CENPN: variants seen among roughly 807,000 people sequenced by gnomAD.
CENPN encodes the protein centromere protein N.
Under a neutral mutation model 48.6 loss-of-function variants are expected in CENPN, and 36 were observed. The ratio of observed to expected loss-of-function variants is 0.74; its 90% CI spans 0.57 to 0.98. CENPN has a LOEUF of 0.98. CENPN is among the 50% of genes least tolerant of loss of function. The pLI is 0.00. For synonymous variants in CENPN, 166 were observed against 135.2 expected (o/e 1.23, Z -1.58); for missense variants, 439 against 399.2 (o/e 1.10, Z -0.85).
chr16:81,022,285 T>A, intron 6 of CENPN: 1 of 297,552 alleles, frequency 3.4e-6, no homozygotes, highest in Non-Finnish European at 6.4e-6. Flanking sequence ...TGACTGATAT[T>A]CAAAAACAGT....
chr16:81,025,383 TAA>T (rs1381571236), intron 8 of CENPN, among the ~76,000 whole-genome samples: 1 of 152,090 alleles, frequency 6.6e-6, no homozygotes, highest in Non-Finnish European at 1.5e-5. Context: ...TAAAAATTCA[TAA>T]AAAAATGAAA....
chr16:81,016,286 C>T (rs929363944), intron 3 of CENPN, among the ~76,000 whole-genome samples: 3 of 152,136 alleles, frequency 2.0e-5, no homozygotes, highest in Admixed American at 6.5e-5. Flanking sequence ...CTTGAGCCCG[C>T]GAGTTCAAGT....
chr16:81,029,200 T>A lies in CENPN; in HGVS notation c.*549T>A. On this transcript the variant is annotated 3_prime_UTR_variant, in exon 11 of 11. Transcript: ENST00000305850. ...TTGCATATTTGGTGAGTCAGTTATATAAAATAGTGTTCTTATTGTAAATAT... is the reference window on the plus strand; with the variant it reads ...TTGCATATTTGGTGAGTCAGTTATAAAAAATAGTGTTCTTATTGTAAATAT... 1 of 952,022 alleles carries A rather than the reference T, an allele frequency of 1.1e-6. No homozygotes were observed. Among genetic ancestry groups the A allele is most frequent in the Non-Finnish European group, 1.3e-6 (1 of 799,522 alleles). The allele number at this position is 952,022 out of a possible 1,614,324, so 59.0% of individuals were successfully genotyped here. A position where few individuals can be genotyped will look rare whatever the true frequency, so the allele number is the denominator to read the frequency against.
chr16:81,007,861 CTT>C (rs1016666558), intron 1 of CENPN, among the ~76,000 whole-genome samples: 8 of 152,300 alleles, frequency 5.3e-5, no homozygotes, highest in Non-Finnish European at 1.2e-4. Flanking sequence ...AATCCCAACA[CTT>C]TGGGAGACCG....
At chr16:81,028,323 C>A (rs756380671) in intron 10 of CENPN, 26 bp downstream of exon 10, 118 of 1,610,096 alleles carry the variant, frequency 7.3e-5, no homozygotes, top group Non-Finnish European at 9.5e-5. Context: ...ACTCTATAAG[C>A]TAGAAAAATT....
At chr16:81,023,135 T>C in intron 7 of CENPN, 3 of 350,730 alleles carry the variant, frequency 8.6e-6, no homozygotes, top group Non-Finnish European at 1.6e-5. Flanking sequence ...CAAAGTTCAT[T>C]TGTTAAAATA....
intron 1 of CENPN, among the ~76,000 whole-genome samples, chr16:81,008,012 CAGG>C (rs1969532550): frequency 6.6e-6 from 1 of 152,062 alleles, no homozygotes; most frequent in Non-Finnish European, 1.5e-5. Flanking sequence ...GAGGCTGAGG[CAGG>C]AGAAGCGCAT....
intron 8 of CENPN, among the ~76,000 whole-genome samples, chr16:81,026,068 T>TGTGTG (rs1198286256): frequency 6.9e-4 from 9 of 13,128 alleles, no homozygotes; most frequent in Non-Finnish European, 4.5e-3. Context: ...TATATATATA[T>TGTGTG]ATGTGTGTGT....
At position 81,023,220 on chromosome 16, in the gene CENPN, A is replaced by G. The variant is rs76836928; in HGVS notation, c.633+522A>G. ...AGATGCAGGGGTGTTTTTTCAAACT[A>G]TGCATGGCAGATGTCTGCATATGTG... is the stretch of plus-strand genomic sequence containing the variant. On this transcript the variant is annotated intron_variant, in intron 7 of 10. Coordinates refer to ENST00000305850, the MANE Select transcript of CENPN (RefSeq NM_001100624.3). 870 of 275,508 alleles carry G rather than the reference A, an allele frequency of 3.2e-3. 7 individuals carry two copies. Among genetic ancestry groups the G allele is most frequent in the East Asian group, 0.019 (191 of 9,876 alleles). The allele number at this position is 275,508 out of a possible 1,614,324, so 17.1% of individuals were successfully genotyped here.
In CENPN at chr16:81,027,240, C is replaced by T. The variant is rs372344657; in HGVS notation, c.810+602C>T. On this transcript the variant is annotated intron_variant, in intron 9 of 10. Coordinates refer to ENST00000305850, the MANE Select transcript of CENPN (RefSeq NM_001100624.3). ...GCACAGTGGCTCACACCTATAATCC[C>T]AGCACTTTGGGAGGCTGAGGCGGGC... 1.1e-4 allele frequency among the ~76,000 whole-genome samples: 17 copies of T among 152,246 alleles called. No homozygotes were observed. The East Asian group carries it at 2.7e-3, about 24-fold the overall frequency.
At chr16:81,019,965 G>A in intron 5 of CENPN, 135 bp from the exon 6 acceptor site, 10 of 548,170 alleles carry the variant, frequency 1.8e-5, no homozygotes, top group South Asian at 3.9e-5. Context: ...ATGAAAAGCA[G>A]AAAAGACTGC....
At chr16:81,010,942 T>A (rs554293762) in intron 1 of CENPN, among the ~76,000 whole-genome samples, 1 of 152,282 alleles carries the variant, frequency 6.6e-6, no homozygotes, top group Non-Finnish European at 1.5e-5. Context: ...CTCAGTACAG[T>A]AGCGAGATTG....
chr16:81,015,782 G>T (rs146587585), intron 3 of CENPN, among the ~76,000 whole-genome samples: 1 of 152,184 alleles, frequency 6.6e-6, no homozygotes, highest in South Asian at 2.1e-4. Context: ...AAGGCAGGTG[G>T]ATCACCTGAG....
chr16:81,015,498 G>T (rs1052445432), intron 3 of CENPN, among the ~76,000 whole-genome samples: 3 of 152,230 alleles, frequency 2.0e-5, no homozygotes, highest in Non-Finnish European at 2.9e-5. Context: ...TTAACTAATT[G>T]CAATCATTAT....
intron 9 of CENPN, 26 bp from the exon 10 acceptor site, chr16:81,028,145 A>C (rs534295880): frequency 6.6e-7 from 1 of 1,510,348 alleles, no homozygotes; most frequent in African/African-American, 1.4e-5. Flanking sequence ...TATGTTTAAT[A>C]GTCATTTATA....
chr16:81,029,377 A>T lies in CENPN; in HGVS notation c.*726A>T, dbSNP rs1026766868. 4.6e-5 allele frequency: 39 copies of T among 853,576 alleles called. No homozygotes were observed. In the Admixed American group the frequency reaches 5.0e-4, roughly 11 times the overall value. 52.9% of individuals were successfully genotyped at this position (853,576 alleles called of 1,614,324 possible). A position where few individuals can be genotyped will look rare whatever the true frequency, so the allele number is the denominator to read the frequency against. ...CACTAAATACCCTATCTTTTTAAAA[A>T]TTTTTTCCTTTCTAATTTTTTATTT... is the stretch of plus-strand genomic sequence containing the variant. On this transcript the variant is annotated 3_prime_UTR_variant, in exon 11 of 11. Transcript: ENST00000305850.
downstream of CENPN, among the ~76,000 whole-genome samples, chr16:81,032,001 G>C (rs1970798176): frequency 6.6e-6 from 1 of 152,174 alleles, no homozygotes; most frequent in South Asian, 2.1e-4. Flanking sequence ...TTGAGGCACA[G>C]AAAATGATGG....
intron 7 of CENPN, 192 bp downstream of exon 7, chr16:81,022,890 A>G (rs1344980850): frequency 6.2e-7 from 1 of 1,605,654 alleles, no homozygotes; most frequent in African/African-American, 1.3e-5. Context: ...TTATAATTGT[A>G]TTGTGTTTTA....
chr16:81,019,947 A>G (rs1256129063), intron 5 of CENPN, among the ~76,000 whole-genome samples, 153 bp from the exon 6 acceptor site: 1 of 152,030 alleles, frequency 6.6e-6, no homozygotes, highest in Non-Finnish European at 1.5e-5. Flanking sequence ...AAGATTCTCA[A>G]AATACTCATG....
Sources: gnomAD v4.1 joint callset for allele counts (sites outside exome capture counted in the v4.1 genomes callset) on GRCh38, gnomAD v4.1.1 for gene constraint, MANE v1.5 for transcripts, NCBI Gene and HGNC (gene_info 2026-07-23, HGNC 2026-07-21) for gene names.